The following CEP126 variants were observed in gnomAD, a reference collection of about 807,000 sequenced individuals.
The protein encoded by CEP126 is centrosomal protein 126, also known as centrosomal protein of 126 kDa.
In CEP126, 74 loss-of-function variants were observed where a neutral mutation model predicts 107.8. The observed-to-expected ratio is 0.69, with a 90% CI of 0.57 to 0.83. The LOEUF (loss-of-function observed/expected upper bound fraction) is 0.83, where lower values mean the gene tolerates loss of function less well. CEP126 is among the 40% of genes least tolerant of loss of function. The pLI, the probability that CEP126 is intolerant of heterozygous loss-of-function variation, is 0.00. For missense variants in CEP126, 1,237 were observed against 1,281.9 expected (o/e 0.96, Z 0.53); for synonymous variants, 449 against 446.0 (o/e 1.01, Z -0.08).
rs1333618197 is a variant in CEP126 at position 101,963,274 on chromosome 11, G to A, written c.2239G>A (p.Gly747Ser). The A allele has an allele frequency of 2.5e-6, 4 of 1,613,880 alleles. No homozygotes were observed. In the East Asian group the frequency reaches 6.7e-5, roughly 27 times the overall value. The change falls in exon 6 of 11, where the codon GGT becomes AGT. Residue 747 changes from glycine to serine, a missense_variant. By Grantham distance (56) the Gly-to-Ser change is moderately conservative (BLOSUM62 0). Transcript: ENST00000263468. ...PVHDDSKTKQ[G>S]KPQRGRAKII... The stretch of plus-strand genomic sequence containing the variant: ...ACATGATGATTCTAAAACTAAGCAA[G>A]GTAAGCCACAAAGAGGTAGAGCAAA...
At chr11:101,968,165 C>T (rs1251780653) in intron 6 of CEP126, among the ~76,000 whole-genome samples, 9 of 151,032 alleles carry the variant, frequency 6.0e-5, no homozygotes, top group East Asian at 1.9e-4. Context: ...ACTTTTTTAG[C>T]GGGAGATTAG....
intron 6 of CEP126, among the ~76,000 whole-genome samples, chr11:101,971,066 C>T (rs1287722030): frequency 6.6e-6 from 1 of 152,114 alleles, no homozygotes; most frequent in Non-Finnish European, 1.5e-5. Context: ...CTCCCAGGCT[C>T]AAGCGATCCT....
intron 10 of CEP126, among the ~76,000 whole-genome samples, chr11:101,995,772 GAA>G (rs1359817431): frequency 6.6e-6 from 1 of 152,210 alleles, no homozygotes; most frequent in Non-Finnish European, 1.5e-5. Flanking sequence ...TTATAGTCAA[GAA>G]AGAGATTTAT....
At chr11:101,981,520 C>T (rs959440098) in intron 7 of CEP126, among the ~76,000 whole-genome samples, 59 of 152,148 alleles carry the variant, frequency 3.9e-4, no homozygotes, top group Non-Finnish European at 7.1e-4. Flanking sequence ...GTCTCGATCT[C>T]CTGACCTTGT....
chr11:101,954,846 G>A (rs894568808), intron 4 of CEP126, among the ~76,000 whole-genome samples: 1 of 152,030 alleles, frequency 6.6e-6, no homozygotes, highest in African/African-American at 2.4e-5. Flanking sequence ...AGAATCAGGT[G>A]TTAGGTTAAT....
At chr11:101,916,948 G>T (rs183413863) in intron 1 of CEP126, among the ~76,000 whole-genome samples, 82 of 150,952 alleles carry the variant, frequency 5.4e-4, no homozygotes, top group African/African-American at 1.9e-3. Context: ...ATCCTTAAAG[G>T]CTAAATATAT....
At position 101,962,858 on chromosome 11, in the gene CEP126, C is replaced by T. The variant is rs1940999106; in HGVS notation, c.1823C>T (p.Ala608Val). Residue 608 changes from alanine to valine, a missense_variant, in exon 6 of 11, where the codon GCT (alanine) becomes GTT (valine). Around this residue, in one of 3 missense-constraint regions of CEP126, gnomAD observed 1,134 missense variants for 1,150.5 expected, o/e 0.99. Transcript: ENST00000263468. Reference sequence around the variant, plus strand: ...AAGTTTGGAAATCAAAAAGCAGCAGCTATCAGAGATAGTATTGAATTAACA... The same window carrying T: ...AAGTTTGGAAATCAAAAAGCAGCAGTTATCAGAGATAGTATTGAATTAACA... ...SFKFGNQKAA[A>V]IRDSIELTKE... 1.9e-6 allele frequency: 3 copies of T among 1,602,220 alleles called. No homozygotes were observed. Among genetic ancestry groups the T allele is most frequent in the East Asian group, 4.5e-5 (2 of 44,826 alleles).
At chr11:101,990,120 A>G (rs1356287601) in intron 9 of CEP126, among the ~76,000 whole-genome samples, 2 of 152,226 alleles carry the variant, frequency 1.3e-5, no homozygotes, top group African/African-American at 4.8e-5. Context: ...AATGTGGACT[A>G]CTATGAGGAT....
intron 5 of CEP126, among the ~76,000 whole-genome samples, chr11:101,960,065 A>G (rs1591283598): frequency 6.6e-6 from 1 of 152,334 alleles, no homozygotes; most frequent in East Asian, 1.9e-4. Flanking sequence ...CAAGAAGGAT[A>G]AGTGTATGCA....
chr11:101,956,661 C>G (rs1202723507), intron 4 of CEP126: 1 of 456,286 alleles, frequency 2.2e-6, no homozygotes, highest in Non-Finnish European at 4.4e-6. Flanking sequence ...TCATCTATCC[C>G]TCTTTTTTCC....
At chr11:101,989,930 A>C (rs1263264060) in intron 9 of CEP126, among the ~76,000 whole-genome samples, 3 of 151,578 alleles carry the variant, frequency 2.0e-5, no homozygotes, top group African/African-American at 7.3e-5. Context: ...ACTGCACTCC[A>C]GCCTGGGCGA....
chr11:101,957,291 T>G (rs1298721966), intron 4 of CEP126, among the ~76,000 whole-genome samples: 1 of 152,176 alleles, frequency 6.6e-6, no homozygotes, highest in Middle Eastern at 3.2e-3. Flanking sequence ...ATAATTTAAT[T>G]GAATTAGGAA....
intron 4 of CEP126, 52 bp from the exon 5 acceptor site, chr11:101,958,116 A>G: frequency 6.7e-6 from 10 of 1,492,562 alleles, no homozygotes; most frequent in Non-Finnish European, 9.2e-6. Flanking sequence ...ACATATAGAA[A>G]GAAGTTAACT....
chr11:101,956,973 G>C, intron 4 of CEP126: 5 of 322,042 alleles, frequency 1.6e-5, no homozygotes, highest in Non-Finnish European at 3.0e-5. Context: ...TAGATATTTT[G>C]TAGATATAGC....
In CEP126 at chr11:101,988,818, T is replaced by C. The variant is rs1385354839; in HGVS notation, c.3244+1777T>C. Among the ~76,000 whole-genome samples the C allele has an allele frequency of 5.3e-5, 8 of 152,056 alleles. No homozygotes were observed. In the East Asian group the frequency reaches 1.5e-3, roughly 29 times the overall value. Reference sequence around the variant, plus strand: ...TATGTCACTTTATGATGAGCACTTATGATGAGCAAAGTCTTACTTCAGAAG... The same window carrying C: ...TATGTCACTTTATGATGAGCACTTACGATGAGCAAAGTCTTACTTCAGAAG... On this transcript the variant is annotated intron_variant, in intron 9 of 10. Coordinates refer to ENST00000263468, the MANE Select transcript of CEP126 (RefSeq NM_020802.4).
intron 7 of CEP126, 92 bp from the exon 8 acceptor site, chr11:101,981,797 A>G: frequency 4.4e-6 from 3 of 676,754 alleles, no homozygotes; most frequent in Non-Finnish European, 7.6e-6. Context: ...CTAAAAATAT[A>G]TACAGCAATT....
chr11:101,956,621 T>A (rs1403300785), intron 4 of CEP126: 3 of 456,202 alleles, frequency 6.6e-6, no homozygotes, highest in African/African-American at 6.0e-5. Flanking sequence ...TTCTTCGACT[T>A]CCTGTTCTAC....
At chr11:101,945,622 A>G (rs1377639113) in intron 3 of CEP126, among the ~76,000 whole-genome samples, 1 of 152,194 alleles carries the variant, frequency 6.6e-6, no homozygotes, top group Non-Finnish European at 1.5e-5. Flanking sequence ...TAGGCAGTCA[A>G]GAGCTGGTTT....
intron 1 of CEP126, among the ~76,000 whole-genome samples, chr11:101,922,076 C>T (rs891411667): frequency 9.9e-5 from 15 of 151,724 alleles, no homozygotes; most frequent in Non-Finnish European, 1.6e-4. Flanking sequence ...TGAGCCACCG[C>T]GCCCAGCCTG....
Sources: allele counts gnomAD v4.1 joint callset (sites outside exome capture counted in the v4.1 genomes callset), GRCh38; gene constraint gnomAD v4.1.1; regional missense constraint gnomAD v4.1.1; transcripts MANE v1.5; gene names NCBI Gene and HGNC (gene_info 2026-07-23, HGNC 2026-07-21).